Variants in CACNA1C observed in about 807,000 individuals in gnomAD.
CACNA1C encodes the protein calcium voltage-gated channel subunit alpha1 C, also known as voltage-dependent L-type calcium channel subunit alpha-1C.
CACNA1C carries 30 observed loss-of-function variants against 229.0 expected under a neutral mutation model. The ratio of observed to expected loss-of-function variants is 0.13; its 90% CI spans 0.10 to 0.18. The LOEUF is 0.18. Among genes scored for constraint, CACNA1C ranks in the 10% least tolerant of loss-of-function variants. CACNA1C has a pLI of 1.00. For missense variants in CACNA1C, 1,658 were observed against 2,845.0 expected (o/e 0.58, Z 9.49); for synonymous variants, 1,114 against 1,132.5 (o/e 0.98, Z 0.33).
intron 1 of CACNA1C, among the ~76,000 whole-genome samples, chr12:2,071,164 C>CCTTCCTT (rs1207254237): frequency 0.031 from 692 of 22,630 alleles, 127 homozygotes; most frequent in South Asian, 0.063. Flanking sequence ...CTCCCTCCCT[C>CCTTCCTT]CCTCCCTCCC....
chr12:2,414,984 G>A (rs1386503676), intron 3 of CACNA1C, among the ~76,000 whole-genome samples: 1 of 152,100 alleles, frequency 6.6e-6, no homozygotes. Flanking sequence ...CATGCCCACC[G>A]GGCTCTCTTC....
intron 39 of CACNA1C, chr12:2,675,875 G>A (rs751275275): frequency 3.3e-5 from 5 of 152,072 alleles, no homozygotes; most frequent in African/African-American, 7.2e-5. Context: ...ACAGTACCCC[G>A]ACAACTAAAA....
intron 3 of CACNA1C, among the ~76,000 whole-genome samples, chr12:2,242,732 C>T (rs1006478802): frequency 3.9e-5 from 6 of 152,198 alleles, no homozygotes; most frequent in African/African-American, 1.2e-4. Context: ...GCCCTGGTCC[C>T]GGGTCTGCTT....
At chr12:2,514,231 G>A (rs550434853) in intron 9 of CACNA1C, among the ~76,000 whole-genome samples, 25 of 152,312 alleles carry the variant, frequency 1.6e-4, no homozygotes, top group Admixed American at 4.6e-4. Context: ...AAGAAAGGAC[G>A]AAGATAGCCA....
chr12:2,543,940 C>T (rs746464166), intron 9 of CACNA1C, among the ~76,000 whole-genome samples: 6 of 152,116 alleles, frequency 3.9e-5, no homozygotes, highest in Non-Finnish European at 5.9e-5. Context: ...GGCTCTCATC[C>T]CCTCAGACAG....
intron 1 of CACNA1C, among the ~76,000 whole-genome samples, chr12:2,092,877 G>A (rs1007985644): frequency 6.6e-6 from 1 of 152,146 alleles, no homozygotes; most frequent in African/African-American, 2.4e-5. Context: ...ATTAAATGTC[G>A]AATTTCAAAA....
chr12:2,531,388 A>C (rs1258011873), intron 9 of CACNA1C, among the ~76,000 whole-genome samples: 1 of 152,192 alleles, frequency 6.6e-6, no homozygotes, highest in Non-Finnish European at 1.5e-5. Flanking sequence ...CTCTGATACT[A>C]ACTGGCCCTG....
intron 1 of CACNA1C, among the ~76,000 whole-genome samples, chr12:2,102,282 T>C (rs1196361638): frequency 6.6e-6 from 1 of 152,240 alleles, no homozygotes; most frequent in Non-Finnish European, 1.5e-5. Context: ...GTGTTTTGAG[T>C]GCCTCCTGGC....
At position 2,666,897 on chromosome 12, in the gene CACNA1C, T is replaced by G; in HGVS notation, c.4623+115T>G. On this transcript the variant is annotated intron_variant, in intron 37 of 46. Coordinates refer to ENST00000399655, the MANE Select transcript of CACNA1C (RefSeq NM_000719.7). The surrounding 1 kb of genome is among the most constrained non-coding windows in gnomAD (Gnocchi z 5.3). Reference sequence around the variant, plus strand: ...CTAGTTTATGTGCCTAAAGATTACATTTTAAGGGTCCTTCCAGCTCTAAAT... The same window carrying G: ...CTAGTTTATGTGCCTAAAGATTACAGTTTAAGGGTCCTTCCAGCTCTAAAT... 1.4e-6 allele frequency: 1 copy of G among 704,592 alleles called. No individual in the cohort carries two copies. The highest frequency in any genetic ancestry group is 2.5e-6 in the Non-Finnish European group (1 of 394,378). The allele number at this position is 704,592 out of a possible 1,614,324, so 43.6% of individuals were successfully genotyped here.
chr12:2,392,647 A>G (rs1236709163), intron 3 of CACNA1C, among the ~76,000 whole-genome samples: 2 of 152,154 alleles, frequency 1.3e-5, no homozygotes, highest in African/African-American at 4.8e-5. Flanking sequence ...TCTCCAAGAT[A>G]CCTGGGTTTA....
At chr12:2,401,039 GC>G (rs1188015635) in intron 3 of CACNA1C, among the ~76,000 whole-genome samples, 1 of 151,962 alleles carries the variant, frequency 6.6e-6, no homozygotes, top group Non-Finnish European at 1.5e-5. Flanking sequence ...CGGCCTAGAA[GC>G]CCCCCAAGGC....
chr12:2,498,652 A>G (rs1445752852), intron 7 of CACNA1C, among the ~76,000 whole-genome samples: 2 of 152,202 alleles, frequency 1.3e-5, no homozygotes, highest in East Asian at 3.9e-4. Flanking sequence ...AACACAGCTG[A>G]GCCATGGGGG....
intron 1 of CACNA1C, among the ~76,000 whole-genome samples, chr12:2,102,082 G>T (rs2076639455): frequency 6.6e-6 from 1 of 152,192 alleles, no homozygotes; most frequent in Non-Finnish European, 1.5e-5. Context: ...AAAGGCTCAT[G>T]CTTCCTGGGA....
At chr12:2,391,414 G>A (rs1015224505) in intron 3 of CACNA1C, among the ~76,000 whole-genome samples, 1 of 152,142 alleles carries the variant, frequency 6.6e-6, no homozygotes, top group Non-Finnish European at 1.5e-5. Flanking sequence ...GTTGATTTTT[G>A]GGCAACGTCT....
chr12:2,147,801 G>A (rs754039318), intron 3 of CACNA1C, among the ~76,000 whole-genome samples: 3 of 150,712 alleles, frequency 2.0e-5, no homozygotes, highest in African/African-American at 4.8e-5. Context: ...GGGGCAAATA[G>A]GCAGTAGGTT....
chr12:2,064,519 G>A (rs1050171950), intron 1 of CACNA1C, among the ~76,000 whole-genome samples: 1 of 152,226 alleles, frequency 6.6e-6, no homozygotes, highest in South Asian at 2.1e-4. Flanking sequence ...CCTTCAGCCT[G>A]AAAGCTGCCT....
In CACNA1C at chr12:2,206,279, T is replaced by G. The variant is rs75996077; in HGVS notation, c.477+85849T>G. 6.9e-3 allele frequency among the ~76,000 whole-genome samples: 1,044 copies of G among 152,228 alleles called. 7 individuals carry two copies. Among genetic ancestry groups the G allele is most frequent in the African/African-American group, 0.024 (990 of 41,518 alleles). On this transcript the variant is annotated intron_variant, in intron 3 of 46. Transcript: ENST00000399655. ...CAGTTGATGACTTATGAAATGTGGA[T>G]TTGTATTTTCAGAAGTGCAGAGTAG...
intron 3 of CACNA1C, among the ~76,000 whole-genome samples, chr12:2,248,475 G>GA (rs1236545993): frequency 6.6e-6 from 1 of 152,234 alleles, no homozygotes; most frequent in Non-Finnish European, 1.5e-5. Flanking sequence ...GCCTGCAAGT[G>GA]AGTGTTCTGC....
chr12:2,348,655 G>A lies in CACNA1C; in HGVS notation c.478-100321G>A, dbSNP rs926735852. Among the ~76,000 whole-genome samples, 9 of 152,112 alleles carry A rather than the reference G, an allele frequency of 5.9e-5. No homozygotes were observed. Among genetic ancestry groups the A allele is most frequent in the Non-Finnish European group, 8.8e-5 (6 of 68,028 alleles). On this transcript the variant is annotated intron_variant, in intron 3 of 46. Transcript: ENST00000399655. The surrounding 1 kb of genome is among the most constrained non-coding windows in gnomAD (Gnocchi z 4.7). ...ATGCTGAATATAAACTCATGCTTCC[G>A]TCTGCTGCCACACTTTAAGATTTCT...
Sources: gnomAD v4.1 joint callset for allele counts (sites outside exome capture counted in the v4.1 genomes callset) on GRCh38, gnomAD v4.1.1 for gene constraint, Gnocchi (gnomAD v3.1) non-coding constraint, MANE v1.5 for transcripts, NCBI Gene and HGNC (gene_info 2026-07-23, HGNC 2026-07-21) for gene names.